Variants in LPAR1 observed in about 807,000 individuals in gnomAD.
LPAR1 encodes LPA receptor 1.
A neutral mutation model predicts 23.8 loss-of-function variants in LPAR1; 5 were observed. The observed-to-expected ratio is 0.21, with a 90% CI of 0.11 to 0.44. The LOEUF (loss-of-function observed/expected upper bound fraction) is 0.44. LPAR1 is among the 20% of genes least tolerant of loss of function. The pLI is 0.99. For missense variants in LPAR1, 311 were observed against 482.8 expected, an observed-to-expected ratio of 0.64 and a Z score of 3.33; for synonymous variants, 160 against 164.7, an observed-to-expected ratio of 0.97 and a Z score of 0.22.
chr9:110,997,987 A>G (rs2097052010), intron 2 of LPAR1, among the ~76,000 whole-genome samples: 1 of 152,230 alleles, frequency 6.6e-6, no homozygotes, highest in South Asian at 2.1e-4. Flanking sequence ...TATGTGGCAC[A>G]CAGAATTCAC....
intron 2 of LPAR1, among the ~76,000 whole-genome samples, chr9:111,000,581 C>T (rs933515586): frequency 3.9e-5 from 6 of 152,186 alleles, no homozygotes; most frequent in Non-Finnish European, 7.3e-5. Context: ...CCCCCAGCCA[C>T]GTGCCTCAGT....
At chr9:110,952,309 G>C (rs1041274522) in intron 4 of LPAR1, among the ~76,000 whole-genome samples, 3 of 152,082 alleles carry the variant, frequency 2.0e-5, no homozygotes, top group African/African-American at 7.2e-5. Flanking sequence ...ACCCAAAAGG[G>C]CCCTGAAACT....
chr9:111,005,067 C>T (rs940612824), intron 2 of LPAR1, among the ~76,000 whole-genome samples: 3 of 147,222 alleles, frequency 2.0e-5, no homozygotes, highest in East Asian at 2.0e-4. Context: ...AAGGCTAAAG[C>T]GCAAGCATTG....
chr9:111,038,889 C>T (rs975783440), upstream of LPAR1, among the ~76,000 whole-genome samples: 18 of 152,160 alleles, frequency 1.2e-4, no homozygotes, highest in African/African-American at 3.4e-4. The surrounding 1 kb of genome is among the most constrained non-coding windows in gnomAD (Gnocchi z 4.4). Flanking sequence ...GGACAGCTGG[C>T]AGGACTCCGG....
At chr9:110,991,009 A>C (rs993051259) in intron 2 of LPAR1, among the ~76,000 whole-genome samples, 2 of 152,208 alleles carry the variant, frequency 1.3e-5, no homozygotes, top group African/African-American at 4.8e-5. Context: ...GAACTATTAG[A>C]TATCCATAAG....
At chr9:110,929,401 CA>C (rs2094248806) in intron 5 of LPAR1, among the ~76,000 whole-genome samples, 1 of 151,874 alleles carries the variant, frequency 6.6e-6, no homozygotes, top group Non-Finnish European at 1.5e-5. Context: ...ATGCTTTTTT[CA>C]AAGAGCATGA....
chr9:110,968,400 CA>C (rs1588599997), intron 4 of LPAR1, among the ~76,000 whole-genome samples: 1 of 152,174 alleles, frequency 6.6e-6, no homozygotes, highest in East Asian at 1.9e-4. Context: ...TGCAACCATC[CA>C]AAACAAAATT....
intron 5 of LPAR1, among the ~76,000 whole-genome samples, chr9:110,923,855 G>GT (rs975289218): frequency 5.3e-5 from 8 of 152,150 alleles, no homozygotes; most frequent in Admixed American, 4.6e-4. Context: ...TTTTTCAGCT[G>GT]TTAGGCCTTT....
chr9:111,017,023 T>C (rs1209148605), intron 2 of LPAR1, among the ~76,000 whole-genome samples: 1 of 152,082 alleles, frequency 6.6e-6, no homozygotes, highest in African/African-American at 2.4e-5. Flanking sequence ...TCCCAGCACA[T>C]GAAGAGTTCT....
intron 4 of LPAR1, among the ~76,000 whole-genome samples, chr9:110,968,770 A>C (rs1288163281): frequency 6.6e-6 from 1 of 152,222 alleles, no homozygotes; most frequent in Non-Finnish European, 1.5e-5. Flanking sequence ...AGGCTTGCTG[A>C]GCAATAATAA....
chr9:110,924,269 T>C (rs2093848657), intron 5 of LPAR1, among the ~76,000 whole-genome samples: 1 of 150,898 alleles, frequency 6.6e-6, no homozygotes. Flanking sequence ...AAATGTCTAA[T>C]GATTATATAT....
At chr9:111,038,709 C>T (rs778072645), upstream of LPAR1, 5 of 452,150 alleles carry the variant, frequency 1.1e-5, no homozygotes, top group East Asian at 7.3e-5. The surrounding 1 kb of genome is among the most constrained non-coding windows in gnomAD (Gnocchi z 4.4). Flanking sequence ...TTCATTGGCT[C>T]GACAGCCCAC....
chr9:110,930,952 A>G (rs2094376723), intron 5 of LPAR1, among the ~76,000 whole-genome samples: 1 of 152,190 alleles, frequency 6.6e-6, no homozygotes, highest in African/African-American at 2.4e-5. Flanking sequence ...TGCCAGTGCA[A>G]AATGCAGCCA....
rs554294951 is a variant in LPAR1, at chr9:110,988,986, C to T, written c.-181-15428G>A. Among the ~76,000 whole-genome samples, 4 of 152,206 alleles carry T rather than the reference C, an allele frequency of 2.6e-5. No individual in the cohort carries two copies. In the East Asian group the frequency reaches 7.7e-4, roughly 29 times the overall value. On this transcript the variant is annotated intron_variant, in intron 2 of 5. Coordinates refer to ENST00000683809, the MANE Select transcript of LPAR1 (RefSeq NM_001351411.2). The stretch of plus-strand genomic sequence containing the variant: ...AAAGAAAGAAAGATACATACTACAA[C>T]ATGCAGTATTGTGCATTTTTTTCTA...
At position 110,913,510 on chromosome 9, in the gene LPAR1, T is replaced by TA. The variant is rs1398215198; in HGVS notation, c.793+27910dup. Among the ~76,000 whole-genome samples, 5 of 150,092 alleles carry TA rather than the reference T, an allele frequency of 3.3e-5. No homozygotes were observed. The South Asian group carries it at 1.0e-3, about 31-fold the overall frequency. On this transcript the variant is annotated intron_variant, in intron 5 of 5. Transcript: ENST00000683809. ...TATTGATGAAAGGTATTTATATATATATGTATATGTACACACACATGTGTA... is the reference window on the plus strand; with the variant it reads ...TATTGATGAAAGGTATTTATATATATAATGTATATGTACACACACATGTGTA...
chr9:110,909,607 C>T (rs1006472574), intron 5 of LPAR1, among the ~76,000 whole-genome samples: 2 of 152,190 alleles, frequency 1.3e-5, no homozygotes, highest in African/African-American at 4.8e-5. Context: ...GCAGCATGTG[C>T]TCACTTGGTG....
At chr9:110,942,853 C>A (rs1020116546) in intron 4 of LPAR1, among the ~76,000 whole-genome samples, 2 of 152,044 alleles carry the variant, frequency 1.3e-5, no homozygotes, top group Admixed American at 1.3e-4. Flanking sequence ...GAGGACCCAA[C>A]GTAACCTCCA....
chr9:110,972,062 G>A lies in LPAR1; in HGVS notation c.45+11C>T. 1 of 1,612,716 alleles carries A rather than the reference G, an allele frequency of 6.2e-7. No individual in the cohort carries two copies. The highest frequency in any genetic ancestry group is 8.5e-7 in the Non-Finnish European group (1 of 1,178,766). ...GATTACCTCAGACCTCTGCTAGTTT[G>A]AAGCCCTTACCTGGGGCTGTGAAAT... On this transcript the variant is annotated intron_variant, in intron 4 of 5. Coordinates refer to ENST00000683809, the MANE Select transcript of LPAR1 (RefSeq NM_001351411.2).
At chr9:110,957,803 T>C (rs578032875) in intron 4 of LPAR1, among the ~76,000 whole-genome samples, 2 of 152,246 alleles carry the variant, frequency 1.3e-5, no homozygotes, top group Admixed American at 6.5e-5. Context: ...TTGCCCCCCT[T>C]TGCAGATGAC....
Sources: gnomAD v4.1 joint callset for allele counts (sites outside exome capture counted in the v4.1 genomes callset) on GRCh38, gnomAD v4.1.1 for gene constraint, Gnocchi (gnomAD v3.1) non-coding constraint, MANE v1.5 for transcripts, NCBI Gene and HGNC (gene_info 2026-07-23, HGNC 2026-07-21) for gene names.